The following ZNF704 variants were observed in gnomAD, a reference collection of about 807,000 sequenced individuals.
The protein encoded by ZNF704 is zinc finger protein 704.
Under a neutral mutation model 44.7 loss-of-function variants are expected in ZNF704, and 10 were observed. The observed-to-expected ratio is 0.22, with a 90% CI of 0.14 to 0.38. ZNF704 has a LOEUF of 0.38. Among genes scored for constraint, ZNF704 ranks in the 10% least tolerant of loss-of-function variants. The pLI, the probability that ZNF704 is intolerant of heterozygous loss-of-function variation, is 1.00. For missense variants in ZNF704, 390 were observed against 545.5 expected, an observed-to-expected ratio of 0.71 and a Z score of 2.84; for synonymous variants, 211 against 207.6, an observed-to-expected ratio of 1.02 and a Z score of -0.14.
intron 2 of ZNF704, among the ~76,000 whole-genome samples, chr8:80,809,418 G>T (rs1389067685): frequency 6.6e-6 from 1 of 152,186 alleles, no homozygotes; most frequent in Non-Finnish European, 1.5e-5. Context: ...TCTTAGAAAA[G>T]GGCAGCAACG....
In ZNF704 at chr8:80,821,437, G is replaced by A; in HGVS notation, c.158C>T (p.Ser53Phe). The change falls in exon 2 of 9, where the codon TCC becomes TTC. Residue 53 changes from serine (S) to phenylalanine (F), a missense_variant. Around this residue, in one of 3 missense-constraint regions of ZNF704, gnomAD observed 80 missense variants for 83.7 expected, o/e 0.96. Transcript: ENST00000327835. ...TCTTTTTTGCTCAAGGAGACAGATG[G>A]AGCGAGTGTTTTCTTTTTCATGGTC... ...ILDHEKENTRSICLLEQKRKV... is the reference protein window; with the variant it reads ...ILDHEKENTRFICLLEQKRKV... 1.9e-6 allele frequency: 3 copies of A among 1,614,130 alleles called. No individual in the cohort carries two copies. The highest frequency in any genetic ancestry group is 2.5e-6 in the Non-Finnish European group (3 of 1,180,004).
rs933088559 is a variant in ZNF704 at position 80,628,601 on chromosome 8, G to A, written c.*12765C>T. 3 of 152,170 alleles carry A rather than the reference G, an allele frequency of 2.0e-5. No homozygotes were observed. Among genetic ancestry groups the A allele is most frequent in the Non-Finnish European group, 2.9e-5 (2 of 68,052 alleles). The allele number at this position is 152,170 out of a possible 1,614,324, so 9.4% of individuals were successfully genotyped here. A position where few individuals can be genotyped will look rare whatever the true frequency, so the allele number is the denominator to read the frequency against. Reference sequence around the variant, plus strand: ...AGTCCAGTGTTCTGGCTCTGTTTGTGCCAGTGCAACCCCAGGTAGAACCAT... The same window carrying A: ...AGTCCAGTGTTCTGGCTCTGTTTGTACCAGTGCAACCCCAGGTAGAACCAT... On this transcript the variant is annotated 3_prime_UTR_variant, in exon 9 of 9. Transcript: ENST00000327835.
chr8:80,652,905 T>C (rs925644606), intron 7 of ZNF704, among the ~76,000 whole-genome samples: 2 of 152,164 alleles, frequency 1.3e-5, no homozygotes, highest in East Asian at 1.9e-4. Flanking sequence ...TGAACATTGA[T>C]GCAAAAATCC....
intron 1 of ZNF704, among the ~76,000 whole-genome samples, chr8:80,831,152 A>G (rs1381107395): frequency 1.3e-5 from 2 of 152,198 alleles, no homozygotes; most frequent in Non-Finnish European, 2.9e-5. Flanking sequence ...ACAAAACCAA[A>G]GAAAACAAAA....
intron 2 of ZNF704, among the ~76,000 whole-genome samples, chr8:80,719,792 G>C (rs1819134040): frequency 6.6e-6 from 1 of 152,214 alleles, no homozygotes; most frequent in Non-Finnish European, 1.5e-5. Context: ...GCAAGTTACT[G>C]AGCACAAGAG....
At chr8:80,877,265 G>A (rs1809368143), upstream of ZNF704, among the ~76,000 whole-genome samples, 1 of 150,998 alleles carries the variant, frequency 6.6e-6, no homozygotes, top group Non-Finnish European at 1.5e-5. Context: ...TCAAAAAAGA[G>A]GTTTCACCCA....
intron 2 of ZNF704, among the ~76,000 whole-genome samples, chr8:80,777,867 A>C (rs1447712265): frequency 1.3e-5 from 2 of 149,096 alleles, no homozygotes; most frequent in Admixed American, 6.7e-5. Context: ...CGACAGAGTG[A>C]GGCTGCGACT....
intron 4 of ZNF704, among the ~76,000 whole-genome samples, chr8:80,681,323 A>C (rs6473241): frequency 0.1 from 15,560 of 152,200 alleles, 2,685 homozygotes; most frequent in African/African-American, 0.35. Flanking sequence ...TGGTTGTACC[A>C]TTTTACATTT....
intron 2 of ZNF704, among the ~76,000 whole-genome samples, chr8:80,730,901 A>T (rs577801886): frequency 5.3e-5 from 8 of 152,364 alleles, no homozygotes; most frequent in African/African-American, 1.9e-4. Flanking sequence ...AACTGAAGAA[A>T]CAAATAGATT....
chr8:80,651,506 G>C (rs988625580), intron 7 of ZNF704, among the ~76,000 whole-genome samples: 2 of 152,080 alleles, frequency 1.3e-5, no homozygotes, highest in Non-Finnish European at 2.9e-5. Flanking sequence ...AAAAAGGCAG[G>C]GGTTGCAACC....
At chr8:80,867,775 C>T (rs894572392) in intron 1 of ZNF704, among the ~76,000 whole-genome samples, 4 of 152,202 alleles carry the variant, frequency 2.6e-5, no homozygotes, top group Non-Finnish European at 5.9e-5. Flanking sequence ...GTCTAATAGA[C>T]GTGTTAACCA....
At chr8:80,750,029 C>T (rs1806914007) in intron 2 of ZNF704, among the ~76,000 whole-genome samples, 1 of 152,076 alleles carries the variant, frequency 6.6e-6, no homozygotes, top group Non-Finnish European at 1.5e-5. Flanking sequence ...AGTCCTGTGT[C>T]CTGGAAGCTT....
chr8:80,683,635 A>G (rs1274504373), intron 4 of ZNF704, among the ~76,000 whole-genome samples: 4 of 152,188 alleles, frequency 2.6e-5, no homozygotes, highest in African/African-American at 7.2e-5. Context: ...CATAACCTCA[A>G]TGAGCCTCTT....
chr8:80,716,087 A>G (rs1052521497), intron 2 of ZNF704, among the ~76,000 whole-genome samples: 12 of 152,130 alleles, frequency 7.9e-5, no homozygotes, highest in African/African-American at 2.7e-4. Flanking sequence ...CTCGAAAAAA[A>G]AAAAAAAGAA....
intron 1 of ZNF704, among the ~76,000 whole-genome samples, chr8:80,826,849 A>C (rs1034813707): frequency 1.4e-4 from 22 of 152,226 alleles, no homozygotes; most frequent in Non-Finnish European, 2.9e-4. Context: ...ATAGATGCAG[A>C]AAAGGCCTTT....
At chr8:80,777,524 C>T (rs1331327187) in intron 2 of ZNF704, among the ~76,000 whole-genome samples, 1 of 152,126 alleles carries the variant, frequency 6.6e-6, no homozygotes, top group African/African-American at 2.4e-5. Context: ...ATTTTATTTT[C>T]TCTGTGTATC....
chr8:80,692,053 T>C (rs1818647167), intron 3 of ZNF704, among the ~76,000 whole-genome samples: 3 of 152,122 alleles, frequency 2.0e-5, no homozygotes, highest in South Asian at 4.1e-4. Context: ...AACCTAATCA[T>C]AACTTTGCAG....
intron 1 of ZNF704, among the ~76,000 whole-genome samples, chr8:80,844,829 TTTTATTTATTTA>T (rs60668049): frequency 6.7e-5 from 10 of 148,962 alleles, no homozygotes; most frequent in South Asian, 4.3e-4. Flanking sequence ...TTTCTTCTCT[TTTTATTTATTTA>T]TTTATTTATT....
At chr8:80,853,545 T>C (rs1389944872) in intron 1 of ZNF704, among the ~76,000 whole-genome samples, 2 of 148,548 alleles carry the variant, frequency 1.3e-5, no homozygotes, top group Non-Finnish European at 3.0e-5. Context: ...GAGGAAGCAA[T>C]GGAGGAAAAA....
Sources: allele counts gnomAD v4.1 joint callset (sites outside exome capture counted in the v4.1 genomes callset), GRCh38; gene constraint gnomAD v4.1.1; regional missense constraint gnomAD v4.1.1; transcripts MANE v1.5; gene names NCBI Gene and HGNC (gene_info 2026-07-23, HGNC 2026-07-21).